The following SPAG16 variants were observed in gnomAD, a reference collection of about 807,000 sequenced individuals.
SPAG16 encodes sperm-associated antigen 16 protein.
A neutral mutation model predicts 80.4 loss-of-function variants in SPAG16; 86 were observed. That is an observed-to-expected ratio of 1.07 (90% confidence interval 0.90 to 1.28). The LOEUF (loss-of-function observed/expected upper bound fraction) is 1.28, where lower values mean the gene tolerates loss of function less well. Among genes scored for constraint, SPAG16 ranks in the 50% most tolerant of loss-of-function variants. The pLI is 0.00. For missense variants in SPAG16, 870 were observed against 765.3 expected, an observed-to-expected ratio of 1.14 and a Z score of -1.61; for synonymous variants, 294 against 265.9, an observed-to-expected ratio of 1.11 and a Z score of -1.03.
At chr2:214,129,425 A>G (rs1039438943) in intron 14 of SPAG16, among the ~76,000 whole-genome samples, 3 of 152,040 alleles carry the variant, frequency 2.0e-5, no homozygotes, top group Non-Finnish European at 2.9e-5. Flanking sequence ...ATTGTTTTCT[A>G]TATTTTGTCC....
intron 15 of SPAG16, among the ~76,000 whole-genome samples, chr2:214,173,078 C>T (rs1404039662): frequency 1.3e-5 from 2 of 151,894 alleles, no homozygotes; most frequent in African/African-American, 2.4e-5. Flanking sequence ...GTTTCTTTTG[C>T]TGTGCAGAAG....
intron 15 of SPAG16, among the ~76,000 whole-genome samples, chr2:214,279,140 A>G (rs1230535750): frequency 6.9e-6 from 1 of 145,980 alleles, no homozygotes; most frequent in East Asian, 2.0e-4. Context: ...CTCTGTCTTC[A>G]GGTTGGAGTG....
chr2:213,628,965 T>C (rs1232051579), intron 10 of SPAG16, among the ~76,000 whole-genome samples: 1 of 151,994 alleles, frequency 6.6e-6, no homozygotes, highest in Non-Finnish European at 1.5e-5. Context: ...GAACCTACCC[T>C]CAAAATACCT....
chr2:213,296,926 A>G, intron 2 of SPAG16: 1 of 444,664 alleles, frequency 2.2e-6, no homozygotes, highest in Non-Finnish European at 3.5e-6. Flanking sequence ...TGAAAAAGTG[A>G]TGGTGGAAAG....
Position 213,727,134 on chromosome 2 carries a change from T to A in SPAG16, c.1071-135351T>A, listed in dbSNP as rs373449034. The stretch of plus-strand genomic sequence containing the variant: ...TAAAGTACATGTGTTTACCAGACAA[T>A]GCCTAGAGGAAATAAATAATTCAAT... On this transcript the variant is annotated intron_variant, in intron 10 of 15. Coordinates refer to ENST00000331683, the MANE Select transcript of SPAG16 (RefSeq NM_024532.5). Among the ~76,000 whole-genome samples the A allele has an allele frequency of 1.0e-3, 157 of 152,284 alleles. 1 individual carries two copies. In the East Asian group the frequency reaches 0.026, roughly 26 times the overall value.
chr2:213,836,066 A>T (rs1575298869), intron 10 of SPAG16, among the ~76,000 whole-genome samples: 1 of 152,102 alleles, frequency 6.6e-6, no homozygotes, highest in South Asian at 2.1e-4. Context: ...ATTATCTGTT[A>T]CCTGTCACTA....
At chr2:214,118,863 C>A (rs1409179595) in intron 14 of SPAG16, among the ~76,000 whole-genome samples, 6 of 152,048 alleles carry the variant, frequency 3.9e-5, no homozygotes, top group African/African-American at 1.4e-4. Context: ...AATTTCAAAT[C>A]TTTTTGGAAC....
intron 10 of SPAG16, among the ~76,000 whole-genome samples, chr2:213,650,763 C>T (rs1388096599): frequency 2.0e-5 from 3 of 152,160 alleles, no homozygotes; most frequent in Non-Finnish European, 2.9e-5. Flanking sequence ...GGAAAGCTAG[C>T]TTTCTCAGGC....
intron 9 of SPAG16, among the ~76,000 whole-genome samples, chr2:213,407,804 G>T (rs12992821): frequency 8.1e-6 from 1 of 123,962 alleles, no homozygotes; most frequent in Non-Finnish European, 1.6e-5. Flanking sequence ...GACAGGAGAG[G>T]CAGAGAGAGA....
chr2:214,003,206 C>G (rs1197505966), intron 12 of SPAG16, among the ~76,000 whole-genome samples: 1 of 152,172 alleles, frequency 6.6e-6, no homozygotes, highest in Admixed American at 6.5e-5. Flanking sequence ...AAAAATGTTT[C>G]TAATCCACAG....
chr2:213,667,482 A>G (rs2125206351), intron 10 of SPAG16, among the ~76,000 whole-genome samples: 1 of 152,312 alleles, frequency 6.6e-6, no homozygotes, highest in Non-Finnish European at 1.5e-5. Flanking sequence ...CAGTCCCAAT[A>G]TCTACTATTC....
intron 15 of SPAG16, among the ~76,000 whole-genome samples, chr2:214,385,149 G>A (rs1456459457): frequency 6.6e-6 from 1 of 152,246 alleles, no homozygotes; most frequent in Non-Finnish European, 1.5e-5. Flanking sequence ...ATAGCTAGTA[G>A]TTCAGTACAC....
intron 10 of SPAG16, among the ~76,000 whole-genome samples, chr2:213,521,236 A>T (rs1356776992): frequency 1.3e-5 from 2 of 152,154 alleles, no homozygotes; most frequent in Admixed American, 6.6e-5. Context: ...CGATCATGGA[A>T]GATTGAGCTA....
intron 13 of SPAG16, among the ~76,000 whole-genome samples, chr2:214,100,818 G>A (rs2052964648): frequency 6.6e-6 from 1 of 151,946 alleles, no homozygotes; most frequent in African/African-American, 2.4e-5. Flanking sequence ...TTGATTTCAT[G>A]TCATTGCTAT....
intron 15 of SPAG16, among the ~76,000 whole-genome samples, chr2:214,176,469 C>T (rs2057083350): frequency 6.6e-6 from 1 of 151,128 alleles, no homozygotes; most frequent in Admixed American, 6.6e-5. Context: ...TGTAGTTTTC[C>T]AAGTAGGCTA....
At chr2:214,231,319 A>G (rs1237118129) in intron 15 of SPAG16, among the ~76,000 whole-genome samples, 1 of 152,026 alleles carries the variant, frequency 6.6e-6, no homozygotes, top group Non-Finnish European at 1.5e-5. Context: ...GATGTTTTAA[A>G]TGCATGTCTA....
chr2:213,442,406 G>A (rs2071027098), intron 9 of SPAG16, among the ~76,000 whole-genome samples: 1 of 152,262 alleles, frequency 6.6e-6, no homozygotes. Context: ...TTATTTTGTG[G>A]ATATCAACAA....
chr2:213,450,677 AT>A (rs960408738), intron 9 of SPAG16, among the ~76,000 whole-genome samples: 1 of 152,062 alleles, frequency 6.6e-6, no homozygotes, highest in African/African-American at 2.4e-5. Flanking sequence ...TTTATTTATG[AT>A]TTTTAGCATT....
intron 4 of SPAG16, among the ~76,000 whole-genome samples, chr2:213,312,983 T>A (rs970254652): frequency 1.3e-5 from 2 of 151,818 alleles, no homozygotes; most frequent in African/African-American, 4.8e-5. Context: ...CATTAATGAC[T>A]CCCAGTGAAC....
Sources: gnomAD v4.1 joint callset for allele counts (sites outside exome capture counted in the v4.1 genomes callset) on GRCh38, gnomAD v4.1.1 for gene constraint, MANE v1.5 for transcripts, NCBI Gene and HGNC (gene_info 2026-07-23, HGNC 2026-07-21) for gene names.